The following VCAM1 variants were observed in gnomAD, a reference collection of about 807,000 sequenced individuals.
The protein encoded by VCAM1 is vascular cell adhesion molecule 1, also known as vascular cell adhesion protein 1.
A neutral mutation model predicts 63.8 loss-of-function variants in VCAM1; 41 were observed. The observed-to-expected ratio is 0.64, with a 90% CI of 0.50 to 0.83. The LOEUF is 0.83. VCAM1 is among the 40% of genes least tolerant of loss of function. The probability of loss-of-function intolerance (pLI) is 0.00; values close to 1 mark genes in which losing one functional copy is unlikely to be tolerated. For synonymous variants in VCAM1, 338 were observed against 320.7 expected (o/e 1.05, Z -0.58); for missense variants, 798 against 875.5 (o/e 0.91, Z 1.12).
chr1:100,727,078 T>TGTGTGTGA (rs748939317), intron 4 of VCAM1, among the ~76,000 whole-genome samples: 1 of 148,550 alleles, frequency 6.7e-6, no homozygotes, highest in African/African-American at 2.5e-5. Flanking sequence ...TGTGTGTGTG[T>TGTGTGTGA]GAATGTTTGG....
chr1:100,726,596 A>T (rs1660169225), intron 4 of VCAM1, among the ~76,000 whole-genome samples: 1 of 152,012 alleles, frequency 6.6e-6, no homozygotes, highest in Admixed American at 6.6e-5. Flanking sequence ...ACTGTGTCAG[A>T]CCAAACTACA....
chr1:100,735,942 G>A (rs1660632763), intron 8 of VCAM1: 1 of 152,152 alleles, frequency 6.6e-6, no homozygotes, highest in Non-Finnish European at 1.5e-5. Context: ...TGCTTCCAAT[G>A]AGGTTGGGGA....
At chr1:100,724,569 C>G (rs1313136341) in intron 3 of VCAM1, 55 bp from the exon 4 acceptor site, 59 of 1,573,664 alleles carry the variant, frequency 3.7e-5, no homozygotes, top group Non-Finnish European at 4.9e-5. Context: ...TACATTACCT[C>G]TGTTGCACTG....
Position 100,731,799 on chromosome 1 carries a change from C to T in VCAM1, c.1525+281C>T, listed in dbSNP as rs1474067130. 6.6e-6 allele frequency among the ~76,000 whole-genome samples: 1 copy of T among 152,140 alleles called. No homozygotes were observed. The highest frequency in any genetic ancestry group is 2.4e-5 in the African/African-American group (1 of 41,442). On this transcript the variant is annotated intron_variant, in intron 6 of 8. Transcript: ENST00000294728. This position sits in a 1 kb window ranked among gnomAD's most constrained non-coding sequence, Gnocchi z 4.2. ...TTAGCTGAGCTCACTCGTGCATTTTCAGTAAGGTTAGCAGGGCTGGCTGGT... is the reference window on the plus strand; with the variant it reads ...TTAGCTGAGCTCACTCGTGCATTTTTAGTAAGGTTAGCAGGGCTGGCTGGT...
chr1:100,731,357 A>C lies in VCAM1; in HGVS notation c.1364A>C (p.Asp455Ala). The C allele has an allele frequency of 6.2e-7, 1 of 1,613,796 alleles. No homozygotes were observed. Among genetic ancestry groups the C allele is most frequent in the Non-Finnish European group, 8.5e-7 (1 of 1,179,840 alleles). ...CTGGAGAATATAGAGTTTTTGGAGGATACGGATATGAAATCTCTAGAGAAC... is the reference window on the plus strand; with the variant it reads ...CTGGAGAATATAGAGTTTTTGGAGGCTACGGATATGAAATCTCTAGAGAAC... ...TILENIEFLE[D>A]TDMKSLENKS... is the part of the protein sequence containing the mutation. The change falls in exon 6 of 9, where the codon GAT (aspartate) becomes GCT (alanine). Residue 455 changes from aspartate to alanine, a missense_variant. By Grantham distance (126) the Asp-to-Ala change is moderately radical. Transcript: ENST00000294728. This position sits in a 1 kb window ranked among gnomAD's most constrained non-coding sequence, Gnocchi z 4.2.
intron 8 of VCAM1, chr1:100,737,088 C>T (rs962244365): frequency 6.6e-6 from 1 of 152,070 alleles, no homozygotes; most frequent in African/African-American, 2.4e-5. Context: ...GATTTTTTAG[C>T]AGATTAGAAA....
rs761877168 is a variant in VCAM1 at position 100,724,636 on chromosome 1, A to C, written c.674A>C (p.Asn225Thr). Residue 225 changes from asparagine to threonine, a missense_variant, in exon 4 of 9, where the codon AAT (asparagine) becomes ACT (threonine). Coordinates refer to ENST00000294728, the MANE Select transcript of VCAM1 (RefSeq NM_001078.4). ...KELQVYISPK[N>T]TVISVNPSTK... ...TTTGCCCTTTCAGTATCACCCAAGA[A>C]TACAGTTATTTCTGTGAATCCATCC... 3 of 1,612,636 alleles carry C rather than the reference A, an allele frequency of 1.9e-6. No individual in the cohort carries two copies. The Admixed American group carries it at 5.0e-5, about 27-fold the overall frequency.
rs143330690 is a variant in VCAM1 at position 100,729,248 on chromosome 1, G to T, written c.1070G>T (p.Gly357Val). ...ACCCAGATAGACAGCCCTCTGAGCG[G>T]GAAGGTGAGGAGTGAGGGGACCAAT... is the stretch of plus-strand genomic sequence containing the variant. ...WRTQIDSPLSGKVRSEGTNST... is the reference protein window; with the variant it reads ...WRTQIDSPLSVKVRSEGTNST... The change falls in exon 5 of 9, where the codon GGG (glycine) becomes GTG (valine). Residue 357 changes from glycine (G) to valine (V), a missense_variant. Gly to Val is a moderately radical substitution (Grantham distance 109). Transcript: ENST00000294728. The T allele has an allele frequency of 6.2e-7, 1 of 1,613,426 alleles. No homozygotes were observed.
At chr1:100,726,965 C>G (rs1443761705) in intron 4 of VCAM1, among the ~76,000 whole-genome samples, 1 of 151,818 alleles carries the variant, frequency 6.6e-6, no homozygotes, top group African/African-American at 2.4e-5. Flanking sequence ...AGTACAAGAC[C>G]AGCCTCGGCA....
intron 7 of VCAM1, 27 bp from the exon 8 acceptor site, chr1:100,734,475 G>C (rs755727745): frequency 1.3e-6 from 2 of 1,594,702 alleles, no homozygotes; most frequent in Non-Finnish European, 8.5e-7. Flanking sequence ...CACTCAATCA[G>C]GGATGTCTTT....
chr1:100,734,016 A>G (rs1163487757), intron 7 of VCAM1, among the ~76,000 whole-genome samples: 1 of 152,170 alleles, frequency 6.6e-6, no homozygotes, highest in Non-Finnish European at 1.5e-5. Flanking sequence ...CAGAGGAGAA[A>G]GGGAAGCAAG....
chr1:100,731,768 A>G lies in VCAM1; in HGVS notation c.1525+250A>G, dbSNP rs1046684798. Among the ~76,000 whole-genome samples, 4 of 152,146 alleles carry G rather than the reference A, an allele frequency of 2.6e-5. No homozygotes were observed. The highest frequency in any genetic ancestry group is 9.7e-5 in the African/African-American group (4 of 41,432). ...CAGCTAGGCAGTTATTCTGTTCAATATGGTATTAGCTGAGCTCACTCGTGC... is the reference window on the plus strand; with the variant it reads ...CAGCTAGGCAGTTATTCTGTTCAATGTGGTATTAGCTGAGCTCACTCGTGC... On this transcript the variant is annotated intron_variant, in intron 6 of 8. Transcript: ENST00000294728. The surrounding 1 kb of genome is among the most constrained non-coding windows in gnomAD (Gnocchi z 4.2).
Position 100,720,645 on chromosome 1 carries a change from T to A in VCAM1, c.234T>A (p.Ser78=). 6.2e-7 allele frequency: 1 copy of A among 1,613,236 alleles called. No individual in the cohort carries two copies. Among genetic ancestry groups the A allele is most frequent in the Non-Finnish European group, 8.5e-7 (1 of 1,179,530 alleles). ...AGGTGACGAATGAGGGGACCACATC[T>A]ACGCTGACAATGAATCCTGTTAGTT... ...NGKVTNEGTT[S]TLTMNPVSFG... The change falls in exon 2 of 9, where the codon TCT becomes TCA. Residue 78 remains serine, a synonymous_variant. Transcript: ENST00000294728.
intron 7 of VCAM1, 114 bp downstream of exon 7, chr1:100,732,798 T>C: frequency 8.4e-7 from 1 of 1,189,118 alleles, no homozygotes; most frequent in Non-Finnish European, 1.2e-6. Context: ...GTGATGAGGG[T>C]TTTGAAGAGT....
chr1:100,734,528 G>T lies in VCAM1; in HGVS notation c.1819G>T (p.Ala607Ser). 1.9e-6 allele frequency: 3 copies of T among 1,613,388 alleles called. 1 individual carries two copies. In the South Asian group the frequency reaches 3.3e-5, roughly 18 times the overall value. Residue 607 changes from alanine to serine, a missense_variant, in exon 8 of 9, where the codon GCT becomes TCT. By Grantham distance (99) the Ala-to-Ser change is moderately conservative. Coordinates refer to ENST00000294728, the MANE Select transcript of VCAM1 (RefSeq NM_001078.4). The stretch of plus-strand genomic sequence containing the variant: ...TACTCCAAAAGACATAAAACTTACA[G>T]CTTTTCCTTCTGAGAGTGTCAAAGA... Reference protein sequence around the residue: ...QVTPKDIKLTAFPSESVKEGD... With the variant: ...QVTPKDIKLTSFPSESVKEGD...
Position 100,723,190 on chromosome 1 carries a change from A to G in VCAM1, c.511A>G (p.Lys171Glu), listed in dbSNP as rs139874936. 11 of 1,613,152 alleles carry G rather than the reference A, an allele frequency of 6.8e-6. No individual in the cohort carries two copies. The highest frequency in any genetic ancestry group is 9.3e-6 in the Non-Finnish European group (11 of 1,179,454). The stretch of plus-strand genomic sequence containing the variant: ...GGAATTTCTGGAGGATGCAGACAGG[A>G]AGTCCCTGGAAACCAAGAGTTTGGA... ...SQEFLEDADR[K>E]SLETKSLEVT... The change falls in exon 3 of 9, where the codon AAG (lysine) becomes GAG (glutamate). Residue 171 changes from lysine to glutamate, a missense_variant. Physicochemically the swap from Lys to Glu is moderately conservative, Grantham distance 56. Transcript: ENST00000294728.
At chr1:100,720,848 A>ATG in intron 2 of VCAM1, 97 bp downstream of exon 2, 3 of 1,364,038 alleles carry the variant, frequency 2.2e-6, no homozygotes, top group Non-Finnish European at 2.9e-6. Context: ...ATGGATATTC[A>ATG]TGTACAGATT....
In VCAM1 at chr1:100,731,621, A is replaced by G; in HGVS notation, c.1525+103A>G. On this transcript the variant is annotated intron_variant, in intron 6 of 8. Coordinates refer to ENST00000294728, the MANE Select transcript of VCAM1 (RefSeq NM_001078.4). This position sits in a 1 kb window ranked among gnomAD's most constrained non-coding sequence, Gnocchi z 4.2. ...TTAATCGTTAAAACCTCTGTGGAGA[A>G]AAAACGTTACTGAAAAGAAATTTCA... 8.9e-7 allele frequency: 1 copy of G among 1,126,530 alleles called. No individual in the cohort carries two copies. The highest frequency in any genetic ancestry group is 1.2e-6 in the Non-Finnish European group (1 of 804,290). 69.8% of individuals were successfully genotyped at this position (1,126,530 alleles called of 1,614,324 possible). A position where few individuals can be genotyped will look rare whatever the true frequency, so the allele number is the denominator to read the frequency against.
rs748015359 is a variant in VCAM1 at position 100,738,305 on chromosome 1, T to A, written c.*22T>A. 3 of 1,609,370 alleles carry A rather than the reference T, an allele frequency of 1.9e-6. No individual in the cohort carries two copies. The highest frequency in any genetic ancestry group is 2.2e-5 in the South Asian group (2 of 90,306). On this transcript the variant is annotated 3_prime_UTR_variant, in exon 9 of 9. Coordinates refer to ENST00000294728, the MANE Select transcript of VCAM1 (RefSeq NM_001078.4). ...GTAGCTAATGCTTGATATGTTCAAC[T>A]GGAGACACTATTTATCTGTGCAAAT...
Sources: allele counts gnomAD v4.1 joint callset (sites outside exome capture counted in the v4.1 genomes callset), GRCh38; gene constraint gnomAD v4.1.1; non-coding constraint Gnocchi (gnomAD v3.1); transcripts MANE v1.5; gene names NCBI Gene and HGNC (gene_info 2026-07-23, HGNC 2026-07-21).